The following ZNF837 variants were observed in gnomAD, a reference collection of about 807,000 sequenced individuals.
ZNF837 encodes zinc finger protein 837.
For missense variants in ZNF837, 955 were observed against 801.7 expected, an observed-to-expected ratio of 1.19 and a Z score of -2.31; for synonymous variants, 475 against 365.2, an observed-to-expected ratio of 1.30 and a Z score of -3.43.
chr19:58,367,794 GC>G lies in ZNF837; in HGVS notation c.1538del (p.Ser513ThrfsTer?). 6.5e-7 allele frequency: 1 copy of G among 1,536,242 alleles called. No homozygotes were observed. The highest frequency in any genetic ancestry group is 8.7e-7 in the Non-Finnish European group (1 of 1,145,938). On this transcript the variant is annotated frameshift_variant, in exon 3 of 3. Transcript: ENST00000597582. LOFTEE classifies it low-confidence loss of function (END_TRUNC). ...YACGDCGRAFSQRSNLNEHRK... is the reference protein window; with the variant it reads ...YACGDCGRAFXQRSNLNEHRK... ...GGTGCTCGTTGAGGTTGGAGCGTTG[GC>G]TGAAGGCGCGGCCGCAATCTCCGCA...
At chr19:58,379,754 C>T (rs993338151) in intron 1 of ZNF837, among the ~76,000 whole-genome samples, 4 of 152,188 alleles carry the variant, frequency 2.6e-5, no homozygotes, top group Non-Finnish European at 5.9e-5. Context: ...AGAGCAACAG[C>T]ACACACAGGA....
Position 58,367,818 on chromosome 19 carries a change from G to A in ZNF837, c.1515C>T (p.Cys505=), listed in dbSNP as rs1040894422. 2.3e-5 allele frequency: 35 copies of A among 1,536,324 alleles called. No homozygotes were observed. Among genetic ancestry groups the A allele is most frequent in the Non-Finnish European group, 3.1e-5 (35 of 1,145,538 alleles). ...RTHTGERPYA[C]GDCGRAFSQR... ...GGCTGAAGGCGCGGCCGCAATCTCCGCACGCGTAGGGCCGCTCGCCCGTGT... is the reference window on the plus strand; with the variant it reads ...GGCTGAAGGCGCGGCCGCAATCTCCACACGCGTAGGGCCGCTCGCCCGTGT... Residue 505 remains cysteine, a synonymous_variant, in exon 3 of 3, where the codon TGC becomes TGT. Coordinates refer to ENST00000597582, the MANE Select transcript of ZNF837 (RefSeq NM_138466.2).
chr19:58,379,534 G>A (rs1216834006), intron 1 of ZNF837, among the ~76,000 whole-genome samples: 1 of 152,328 alleles, frequency 6.6e-6, no homozygotes, highest in East Asian at 1.9e-4. Context: ...CCAGGTCCCA[G>A]GAGCCCGTCC....
In ZNF837 at chr19:58,369,336, G is replaced by C; in HGVS notation, c.-4C>G. On this transcript the variant is annotated 5_prime_UTR_variant, in exon 3 of 3. Coordinates refer to ENST00000597582, the MANE Select transcript of ZNF837 (RefSeq NM_138466.2). ...CCTTCTGGGCTGGAGCCTCCATCCTGGGGCGCAGAGTTCTGGTTGTAGGAT... is the reference window on the plus strand; with the variant it reads ...CCTTCTGGGCTGGAGCCTCCATCCTCGGGCGCAGAGTTCTGGTTGTAGGAT... 7.4e-7 allele frequency: 1 copy of C among 1,357,540 alleles called. No homozygotes were observed. The highest frequency in any genetic ancestry group is 1.9e-5 in the South Asian group (1 of 52,788). The allele number at this position is 1,357,540 out of a possible 1,614,324, so 84.1% of individuals were successfully genotyped here. A position where few individuals can be genotyped will look rare whatever the true frequency, so the allele number is the denominator to read the frequency against.
At chr19:58,369,517 G>C (rs62116384) in intron 2 of ZNF837, among the ~76,000 whole-genome samples, 156 bp from the exon 3 acceptor site, 17,126 of 151,930 alleles carry the variant, frequency 0.11, 1,165 homozygotes, top group East Asian at 0.34. Context: ...TAGGCAGCCC[G>C]TCCTGCCCCT....
At chr19:58,380,173 T>C (rs1357508500) in intron 1 of ZNF837, among the ~76,000 whole-genome samples, 1 of 152,184 alleles carries the variant, frequency 6.6e-6, no homozygotes, top group African/African-American at 2.4e-5. Flanking sequence ...CTAGCCCCTA[T>C]GTCCAATTCT....
In ZNF837 at chr19:58,379,200, A is replaced by T. The variant is rs568009405; in HGVS notation, c.-140+1741T>A. Among the ~76,000 whole-genome samples the T allele has an allele frequency of 7.9e-5, 12 of 152,328 alleles. No homozygotes were observed. In the South Asian group the frequency reaches 2.5e-3, roughly 32 times the overall value. On this transcript the variant is annotated intron_variant, in intron 1 of 2. Transcript: ENST00000597582. ...GGAAGCTGGGTTGTCCTGAAGAACCAGCAGTCCCCACTTGGCAGAAAGGGA... is the reference window on the plus strand; with the variant it reads ...GGAAGCTGGGTTGTCCTGAAGAACCTGCAGTCCCCACTTGGCAGAAAGGGA...
chr19:58,368,513 C>T lies in ZNF837; in HGVS notation c.820G>A (p.Asp274Asn), dbSNP rs540681940. Residue 274 changes from aspartate (D) to asparagine (N), a missense_variant, in exon 3 of 3, where the codon GAC becomes AAC. Coordinates refer to ENST00000597582, the MANE Select transcript of ZNF837 (RefSeq NM_138466.2). ...DPPAQRLYAC[D>N]ECGKAFTRTS... Reference sequence around the variant, plus strand: ...CGCGTGAAGGCCTTGCCGCACTCGTCGCAAGCGTACAGTCGCTGGGCCGGG... The same window carrying T: ...CGCGTGAAGGCCTTGCCGCACTCGTTGCAAGCGTACAGTCGCTGGGCCGGG... 1.4e-5 allele frequency: 22 copies of T among 1,547,110 alleles called. No homozygotes were observed. In the East Asian group the frequency reaches 5.4e-4, roughly 38 times the overall value.
chr19:58,368,461 C>A lies in ZNF837; in HGVS notation c.872G>T (p.Arg291Leu). 6.4e-7 allele frequency: 1 copy of A among 1,569,940 alleles called. No individual in the cohort carries two copies. ...TRTSSLLQHQ[R>L]IHTGERPYEC... The stretch of plus-strand genomic sequence containing the variant: ...GTAGGGCCGCTCGCCCGTGTGGATG[C>A]GCTGGTGCTGCAGCAGGCTGGAGGT... The change falls in exon 3 of 3, where the codon CGC (arginine) becomes CTC (leucine). Residue 291 changes from arginine (R) to leucine (L), a missense_variant. By Grantham distance (102) the Arg-to-Leu change is moderately radical. Transcript: ENST00000597582.
At chr19:58,377,500 G>A (rs1285874996) in intron 1 of ZNF837, among the ~76,000 whole-genome samples, 1 of 151,836 alleles carries the variant, frequency 6.6e-6, no homozygotes, top group African/African-American at 2.4e-5. Context: ...CTATCCAGGT[G>A]TGGTGGTGCA....
intron 1 of ZNF837, among the ~76,000 whole-genome samples, chr19:58,378,745 C>A (rs1214457230): frequency 1.3e-5 from 2 of 152,188 alleles, no homozygotes; most frequent in Admixed American, 6.5e-5. Flanking sequence ...GTGATGAGAT[C>A]ACCCTGAATA....
At position 58,368,153 on chromosome 19, in the gene ZNF837, G is replaced by T. The variant is rs1448615171; in HGVS notation, c.1180C>A (p.Pro394Thr). The T allele has an allele frequency of 7.0e-6, 11 of 1,575,068 alleles. No individual in the cohort carries two copies. The highest frequency in any genetic ancestry group is 7.7e-6 in the Non-Finnish European group (9 of 1,163,992). ...VHTGEKPYAC[P>T]ECGKAFNQRS... The stretch of plus-strand genomic sequence containing the variant: ...TGGTTGAAGGCCTTGCCGCACTCGG[G>T]GCACGCGTAGGGCTTCTCGCCGGTG... The change falls in exon 3 of 3, where the codon CCC (proline) becomes ACC (threonine). Residue 394 changes from proline (P) to threonine (T), a missense_variant. Physicochemically the swap from Pro to Thr is conservative, Grantham distance 38 (BLOSUM62 -1). Transcript: ENST00000597582.
intron 1 of ZNF837, among the ~76,000 whole-genome samples, chr19:58,374,231 G>C (rs1363680802): frequency 6.6e-6 from 1 of 152,192 alleles, no homozygotes; most frequent in African/African-American, 2.4e-5. Flanking sequence ...AGCAAACACT[G>C]GCTCACAGAT....
At chr19:58,372,738 A>G (rs1215103971) in intron 1 of ZNF837, among the ~76,000 whole-genome samples, 1 of 152,222 alleles carries the variant, frequency 6.6e-6, no homozygotes, top group Non-Finnish European at 1.5e-5. Flanking sequence ...CATGACCACA[A>G]TGGCAGAAAT....
chr19:58,380,123 C>A (rs1028584743), intron 1 of ZNF837, among the ~76,000 whole-genome samples: 5 of 152,216 alleles, frequency 3.3e-5, no homozygotes, highest in East Asian at 1.9e-4. Flanking sequence ...GAGCCACAGA[C>A]CAACCTCACC....
chr19:58,369,434 G>A (rs1047353884), intron 2 of ZNF837, 73 bp from the exon 3 acceptor site: 39 of 1,250,796 alleles, frequency 3.1e-5, no homozygotes, highest in Non-Finnish European at 7.1e-6. Context: ...GCCAACGAGC[G>A]ACCACCCCAC....
chr19:58,373,026 T>G (rs903443743), intron 1 of ZNF837, among the ~76,000 whole-genome samples: 1 of 152,210 alleles, frequency 6.6e-6, no homozygotes, highest in Non-Finnish European at 1.5e-5. Context: ...TCTGGTGTGA[T>G]GTGAGGTTTC....
intron 1 of ZNF837, among the ~76,000 whole-genome samples, chr19:58,380,266 TTCTGTGTC>T (rs2052279314): frequency 2.6e-5 from 4 of 152,224 alleles, no homozygotes; most frequent in African/African-American, 9.6e-5. Context: ...CACAGCTCCC[TTCTGTGTC>T]TGTCCTCCCG....
In ZNF837 at chr19:58,369,140, A is replaced by G; in HGVS notation, c.193T>C (p.Ser65Pro). The part of the protein sequence containing the change: ...GGRTTPPGGG[S>P]RGCSLGVSPG... ...CTCACCCCGAGGCTGCAGCCCCGGG[A>G]GCCCCCGCCTGGGGGAGTCGTCCTA... The change falls in exon 3 of 3, where the codon TCC becomes CCC. Residue 65 changes from serine (S) to proline (P), a missense_variant. Ser to Pro is a moderately conservative substitution (Grantham distance 74, BLOSUM62 -1). Transcript: ENST00000597582. 1 of 1,456,728 alleles carries G rather than the reference A, an allele frequency of 6.9e-7. No individual in the cohort carries two copies. The highest frequency in any genetic ancestry group is 9.0e-7 in the Non-Finnish European group (1 of 1,106,308). The allele number at this position is 1,456,728 out of a possible 1,614,324, so 90.2% of individuals were successfully genotyped here. A position where few individuals can be genotyped will look rare whatever the true frequency, so the allele number is the denominator to read the frequency against.
Sources: gnomAD v4.1 joint callset for allele counts (sites outside exome capture counted in the v4.1 genomes callset) on GRCh38, gnomAD v4.1.1 for gene constraint, MANE v1.5 for transcripts, NCBI Gene and HGNC (gene_info 2026-07-23, HGNC 2026-07-21) for gene names.